The following ANO3 variants were observed in gnomAD, a reference collection of about 807,000 sequenced individuals.
The protein encoded by ANO3 is anoctamin-3.
A neutral mutation model predicts 144.8 loss-of-function variants in ANO3; 99 were observed. The ratio of observed to expected loss-of-function variants is 0.68; its 90% confidence interval spans 0.58 to 0.81. The LOEUF is 0.81. Ranked by LOEUF, ANO3 falls within the 30% of genes least tolerant of loss-of-function variation. The pLI is 0.00. For missense variants in ANO3, 905 were observed against 1,202.2 expected (o/e 0.75, Z 3.66); for synonymous variants, 414 against 392.6 (o/e 1.05, Z -0.64).
At chr11:26,202,896 C>A (rs1220498774) in intron 1 of ANO3, among the ~76,000 whole-genome samples, 1 of 152,078 alleles carries the variant, frequency 6.6e-6, no homozygotes, top group Non-Finnish European at 1.5e-5. Context: ...GGGATCATTT[C>A]TGATTTACCA....
intron 3 of ANO3, among the ~76,000 whole-genome samples, chr11:26,449,472 G>GTCTCTC (rs144315408): frequency 4.8e-3 from 673 of 140,506 alleles, no homozygotes; most frequent in Middle Eastern, 0.011. Flanking sequence ...CTGTCTGTCT[G>GTCTCTC]TCTCTCTCTC....
intron 6 of ANO3, among the ~76,000 whole-genome samples, chr11:26,519,582 G>T (rs1020160816): frequency 1.3e-5 from 2 of 152,114 alleles, no homozygotes; most frequent in Non-Finnish European, 2.9e-5. Context: ...GCATGGTTGG[G>T]CTCTGGTGAG....
intron 3 of ANO3, among the ~76,000 whole-genome samples, chr11:26,453,105 G>T (rs1452252036): frequency 1.3e-5 from 2 of 152,098 alleles, no homozygotes; most frequent in African/African-American, 2.4e-5. Flanking sequence ...GGAACAACCG[G>T]TACCAGCCGC....
rs148728264 is a variant in ANO3 at position 26,224,394 on chromosome 11, A to G, written c.154+35064A>G. Among the ~76,000 whole-genome samples, 241 of 152,318 alleles carry G rather than the reference A, an allele frequency of 1.6e-3. 1 individual carries two copies. Among genetic ancestry groups the G allele is most frequent in the African/African-American group, 5.6e-3 (232 of 41,588 alleles). ...AGCATGTAGGCAGCTATAGCAGGGA[A>G]TAAAGATTGGTAGTTTTTTCAAGGA... On this transcript the variant is annotated intron_variant, in intron 1 of 27. Coordinates refer to the ANO3 transcript ENST00000672621.
intron 1 of ANO3, among the ~76,000 whole-genome samples, chr11:26,225,362 TTAC>T (rs1257176571): frequency 6.6e-6 from 1 of 152,052 alleles, no homozygotes; most frequent in African/African-American, 2.4e-5. Context: ...GACAAGTAAA[TTAC>T]TACAATTACT....
At chr11:26,545,682 T>C (rs751778983) in intron 11 of ANO3, among the ~76,000 whole-genome samples, 2 of 150,658 alleles carry the variant, frequency 1.3e-5, no homozygotes, top group South Asian at 2.1e-4. Context: ...AATTATATCA[T>C]TGAATGAAAT....
intron 1 of ANO3, among the ~76,000 whole-genome samples, chr11:26,372,906 G>T (rs1471790807): frequency 6.6e-6 from 1 of 151,642 alleles, no homozygotes; most frequent in African/African-American, 2.4e-5. Context: ...ATGTTGTGTG[G>T]AAGTAAAAGC....
chr11:26,224,321 C>T (rs546338131), intron 1 of ANO3, among the ~76,000 whole-genome samples: 1 of 152,354 alleles, frequency 6.6e-6, no homozygotes, highest in East Asian at 1.9e-4. Context: ...TTACAGTCTT[C>T]CAGTGTGTCT....
At chr11:26,455,934 T>G (rs551610083) in intron 3 of ANO3, among the ~76,000 whole-genome samples, 4 of 151,828 alleles carry the variant, frequency 2.6e-5, no homozygotes, top group Non-Finnish European at 5.9e-5. Flanking sequence ...TCTACAACTA[T>G]CTGATCTTTG....
At chr11:26,646,668 C>T (rs1853355070) in intron 23 of ANO3, among the ~76,000 whole-genome samples, 1 of 152,002 alleles carries the variant, frequency 6.6e-6, no homozygotes, top group South Asian at 2.1e-4. Flanking sequence ...TACTTTAATT[C>T]AGAAAGCAAA....
intron 1 of ANO3, among the ~76,000 whole-genome samples, chr11:26,251,665 G>C (rs1252777435): frequency 6.6e-6 from 1 of 152,168 alleles, no homozygotes; most frequent in Non-Finnish European, 1.5e-5. Flanking sequence ...AAAGAAAAGA[G>C]GGTTAATTGA....
intron 18 of ANO3, among the ~76,000 whole-genome samples, chr11:26,624,794 T>TA (rs1226094641): frequency 2.0e-5 from 3 of 152,266 alleles, no homozygotes. Flanking sequence ...ATTTATTTTT[T>TA]ATCAAAGTGT....
intron 12 of ANO3, among the ~76,000 whole-genome samples, chr11:26,552,767 A>G (rs1344383597): frequency 6.6e-6 from 1 of 152,098 alleles, no homozygotes; most frequent in Non-Finnish European, 1.5e-5. Context: ...AAACATAAAA[A>G]AGCAATTATT....
exon 1 of ANO3, chr11:26,189,326 G>A (rs937265829): frequency 1.1e-5 from 11 of 985,072 alleles, no homozygotes; most frequent in Middle Eastern, 5.2e-4. Flanking sequence ...GTTCTGTCCC[G>A]ACTGGTAAGC....
intron 1 of ANO3, among the ~76,000 whole-genome samples, chr11:26,314,854 A>G (rs1209187541): frequency 6.6e-6 from 1 of 152,210 alleles, no homozygotes; most frequent in Non-Finnish European, 1.5e-5. Context: ...TCAAAGAAGC[A>G]AGATATAAAG....
intron 1 of ANO3, among the ~76,000 whole-genome samples, chr11:26,200,643 A>G (rs1404479802): frequency 6.6e-6 from 1 of 152,186 alleles, no homozygotes; most frequent in East Asian, 1.9e-4. Flanking sequence ...AGGAAGATAC[A>G]GAGAACCAGG....
intron 10 of ANO3, among the ~76,000 whole-genome samples, chr11:26,541,246 G>T (rs943969717): frequency 6.6e-6 from 1 of 152,078 alleles, no homozygotes; most frequent in African/African-American, 2.4e-5. Context: ...GTTGAACAAT[G>T]AGAATACGTG....
chr11:26,560,919 A>G (rs948347091), intron 14 of ANO3: 24 of 771,854 alleles, frequency 3.1e-5, no homozygotes, highest in Non-Finnish European at 4.4e-5. Flanking sequence ...TCCTGTCTAC[A>G]TTTCTGCTAC....
chr11:26,377,122 GA>G (rs1361920965), intron 1 of ANO3, among the ~76,000 whole-genome samples: 4 of 152,044 alleles, frequency 2.6e-5, no homozygotes, highest in Non-Finnish European at 4.4e-5. Flanking sequence ...ATATCCTGGA[GA>G]AAAACACACT....
Sources: allele counts gnomAD v4.1 joint callset (sites outside exome capture counted in the v4.1 genomes callset), GRCh38; gene constraint gnomAD v4.1.1; transcripts MANE v1.5; gene names NCBI Gene and HGNC (gene_info 2026-07-23, HGNC 2026-07-21).